The following FAM120B variants were observed in gnomAD, a reference collection of about 807,000 sequenced individuals.
FAM120B encodes the protein constitutive coactivator of peroxisome proliferator-activated receptor gamma.
In FAM120B, 83 loss-of-function variants were observed where a neutral mutation model predicts 96.3. That is an observed-to-expected ratio of 0.86 (90% CI 0.72 to 1.03). The LOEUF (loss-of-function observed/expected upper bound fraction) is 1.03. Ranked by LOEUF, FAM120B falls within the 50% of genes least tolerant of loss-of-function variation. The pLI, the probability that FAM120B is intolerant of heterozygous loss-of-function variation, is 0.00. For missense variants in FAM120B, 1,027 were observed against 1,121.2 expected, an observed-to-expected ratio of 0.92 and a Z score of 1.20; for synonymous variants, 407 against 402.7, an observed-to-expected ratio of 1.01 and a Z score of -0.13.
At chr6:170,330,315 T>G (rs1785929915) in intron 3 of FAM120B, 134 bp from the exon 4 acceptor site, 2 of 625,362 alleles carry the variant, frequency 3.2e-6, no homozygotes, top group Non-Finnish European at 5.7e-6. Context: ...GTTGGATAAC[T>G]TAAGGTTACT....
intron 4 of FAM120B, among the ~76,000 whole-genome samples, chr6:170,331,784 TAGAG>T (rs1294949195): frequency 2.0e-5 from 3 of 152,218 alleles, no homozygotes; most frequent in Non-Finnish European, 4.4e-5. Flanking sequence ...GTATAAGTAT[TAGAG>T]AGACTACTTC....
chr6:170,318,480 G>C lies in FAM120B; in HGVS notation c.1090G>C (p.Glu364Gln). Reference protein sequence around the residue: ...PMCTGPESRREVPVYTDSEPR... With the variant: ...PMCTGPESRRQVPVYTDSEPR... ...GTGTACAGGCCCTGAATCCAGGCGA[G>C]AAGTTCCCGTGTATACAGATTCTGA... is the stretch of plus-strand genomic sequence containing the variant. Residue 364 changes from glutamate to glutamine, a missense_variant, in exon 2 of 11, where the codon GAA becomes CAA. Transcript: ENST00000476287. 1 of 1,586,984 alleles carries C rather than the reference G, an allele frequency of 6.3e-7. No individual in the cohort carries two copies. The highest frequency in any genetic ancestry group is 1.1e-5 in the South Asian group (1 of 89,008).
intron 4 of FAM120B, among the ~76,000 whole-genome samples, chr6:170,342,135 G>A (rs752020489): frequency 4.6e-5 from 7 of 152,186 alleles, no homozygotes; most frequent in Non-Finnish European, 1.0e-4. Flanking sequence ...GGCCAAGCCC[G>A]TGTCTCCAGT....
rs1785968234 is a variant in FAM120B, at chr6:170,330,754, A to G, written c.2017+204A>G. 7 of 571,210 alleles carry G rather than the reference A, an allele frequency of 1.2e-5. No individual in the cohort carries two copies. In the South Asian group the frequency reaches 1.5e-4, roughly 12 times the overall value. 35.4% of individuals were successfully genotyped at this position (571,210 alleles called of 1,614,324 possible). On this transcript the variant is annotated intron_variant, in intron 4 of 10. Transcript: ENST00000476287. The stretch of plus-strand genomic sequence containing the variant: ...TGATGCTGTGGCAGGTTTACCCTGG[A>G]CCATCTGCGGCGGTGCTCTGCCTCT...
chr6:170,359,685 C>T (rs376922280), intron 6 of FAM120B, among the ~76,000 whole-genome samples: 44 of 152,128 alleles, frequency 2.9e-4, no homozygotes, highest in African/African-American at 9.4e-4. Context: ...GCCATCCTCC[C>T]GCCTGGGCCT....
upstream of FAM120B, among the ~76,000 whole-genome samples, chr6:170,302,711 T>C (rs1784167746): frequency 6.6e-6 from 1 of 152,200 alleles, no homozygotes. Context: ...TTCCTATGTT[T>C]CTCTTTTATG....
At chr6:170,357,332 G>A (rs558035148) in intron 5 of FAM120B, among the ~76,000 whole-genome samples, 2 of 152,218 alleles carry the variant, frequency 1.3e-5, no homozygotes, top group South Asian at 4.1e-4. Context: ...GCAGGGGAAG[G>A]GGTGGCACCG....
chr6:170,385,077 T>A (rs1790115036), intron 6 of FAM120B, among the ~76,000 whole-genome samples: 1 of 152,206 alleles, frequency 6.6e-6, no homozygotes. Context: ...CTACCAGAAT[T>A]GACTAGATGA....
At chr6:170,345,889 G>A (rs1474011724) in intron 4 of FAM120B, among the ~76,000 whole-genome samples, 5 of 152,272 alleles carry the variant, frequency 3.3e-5, no homozygotes, top group Admixed American at 6.5e-5. Context: ...TGAGAAATGC[G>A]CAGCTAGGTG....
In FAM120B at chr6:170,370,312, C is replaced by T. The variant is rs188508880; in HGVS notation, c.2283+11994C>T. On this transcript the variant is annotated intron_variant, in intron 6 of 10. Coordinates refer to ENST00000476287, the MANE Select transcript of FAM120B (RefSeq NM_032448.3). This position sits in a 1 kb window ranked among gnomAD's most constrained non-coding sequence, Gnocchi z 4.3. ...ACCTTTCTTTTCTGAGACGCAGCTACGTCCCCGAGCTCTTTGTGGAAGACA... is the reference window on the plus strand; with the variant it reads ...ACCTTTCTTTTCTGAGACGCAGCTATGTCCCCGAGCTCTTTGTGGAAGACA... Among the ~76,000 whole-genome samples, 47 of 152,338 alleles carry T rather than the reference C, an allele frequency of 3.1e-4. No individual in the cohort carries two copies. Among genetic ancestry groups the T allele is most frequent in the Non-Finnish European group, 5.3e-4 (36 of 68,032 alleles).
intron 5 of FAM120B, among the ~76,000 whole-genome samples, chr6:170,349,153 C>T (rs1157258812): frequency 6.6e-6 from 1 of 152,192 alleles, no homozygotes; most frequent in African/African-American, 2.4e-5. Flanking sequence ...TCCTCCCCAC[C>T]TCCCTCCCTG....
chr6:170,391,530 A>G (rs936833672), intron 8 of FAM120B, among the ~76,000 whole-genome samples: 3 of 151,950 alleles, frequency 2.0e-5, no homozygotes, highest in Non-Finnish European at 4.4e-5. Context: ...TCGAGACTCC[A>G]TCTCAAAAAA....
chr6:170,330,896 T>G (rs1349740204), intron 4 of FAM120B: 1 of 238,422 alleles, frequency 4.2e-6, no homozygotes, highest in Non-Finnish European at 8.2e-6. Context: ...TAGTTGTTGC[T>G]TGGTAGACGT....
chr6:170,341,087 C>T (rs1309560094), intron 4 of FAM120B, among the ~76,000 whole-genome samples: 1 of 152,222 alleles, frequency 6.6e-6, no homozygotes, highest in Non-Finnish European at 1.5e-5. Flanking sequence ...CGTTTAAGTC[C>T]ACTGAAGCTG....
At chr6:170,299,372 G>A (rs865948336) in intron 1 of FAM120B, among the ~76,000 whole-genome samples, 5 of 152,312 alleles carry the variant, frequency 3.3e-5, no homozygotes, top group Middle Eastern at 6.8e-3. Context: ...TAGTGACACT[G>A]TCTTCCATTG....
In FAM120B at chr6:170,343,563, A is replaced by G. The variant is rs1225089902; in HGVS notation, c.2018-4588A>G. On this transcript the variant is annotated intron_variant, in intron 4 of 10. Transcript: ENST00000476287. ...GTGATTTTCTATAATCTATTATATC[A>G]TTAGAACTCCTCAAGAGCCAATTCC... Among the ~76,000 whole-genome samples the G allele has an allele frequency of 2.6e-5, 4 of 152,192 alleles. No individual in the cohort carries two copies. In the East Asian group the frequency reaches 7.7e-4, roughly 29 times the overall value.
Position 170,395,547 on chromosome 6 carries a change from G to A in FAM120B, c.2660G>A (p.Ser887Asn), listed in dbSNP as rs911879600. The change falls in exon 9 of 11, where the codon AGT becomes AAT. Residue 887 changes from serine (S) to asparagine (N), a missense_variant. By Grantham distance (46) the Ser-to-Asn change is conservative. Around this residue, in one of 3 missense-constraint regions of FAM120B, gnomAD observed 142 missense variants for 122.5 expected, o/e 1.16. Transcript: ENST00000476287. ...HRTGSGYSRS[S>N]QGQPWRDQGP... ...ACGGGCTCTGGGTATAGCCGTTCCA[G>A]TCAGGGACAGCCGTGGAGAGACCAG... 2 of 1,599,174 alleles carry A rather than the reference G, an allele frequency of 1.3e-6. No individual in the cohort carries two copies. The highest frequency in any genetic ancestry group is 1.7e-6 in the Non-Finnish European group (2 of 1,172,966).
intron 9 of FAM120B, 135 bp from the exon 10 acceptor site, chr6:170,404,415 C>G (rs4710719): frequency 0.082 from 57,756 of 700,858 alleles, 8,377 homozygotes; most frequent in East Asian, 0.61. Flanking sequence ...GTGGCCACAA[C>G]TGTAAAGAGG....
intron 9 of FAM120B, among the ~76,000 whole-genome samples, chr6:170,400,771 C>T (rs991870380): frequency 6.6e-6 from 1 of 152,162 alleles, no homozygotes; most frequent in Non-Finnish European, 1.5e-5. Context: ...TCCGTCCTAC[C>T]TCAGTATCGC....
Sources: gnomAD v4.1 joint callset for allele counts (sites outside exome capture counted in the v4.1 genomes callset) on GRCh38, gnomAD v4.1.1 for gene constraint, gnomAD v4.1.1 regional missense constraint, Gnocchi (gnomAD v3.1) non-coding constraint, MANE v1.5 for transcripts, NCBI Gene and HGNC (gene_info 2026-07-23, HGNC 2026-07-21) for gene names.